The following NFATC1 variants were observed in gnomAD, a reference collection of about 807,000 sequenced individuals.
NFATC1 encodes nuclear factor of activated T-cells, cytoplasmic 1.
In NFATC1, 22 loss-of-function variants were observed where a neutral mutation model predicts 76.0. The ratio of observed to expected loss-of-function variants is 0.29; its 90% CI spans 0.21 to 0.41. The LOEUF (loss-of-function observed/expected upper bound fraction) is 0.41. Among genes scored for constraint, NFATC1 ranks in the 10% least tolerant of loss-of-function variants. NFATC1 has a pLI of 1.00. For synonymous variants in NFATC1, 704 were observed against 613.1 expected, an observed-to-expected ratio of 1.15 and a Z score of -2.19; for missense variants, 1,357 against 1,337.7, an observed-to-expected ratio of 1.01 and a Z score of -0.23.
At chr18:79,401,380 A>G (rs1003247220) in intron 1 of NFATC1, among the ~76,000 whole-genome samples, 11 of 151,966 alleles carry the variant, frequency 7.2e-5, no homozygotes, top group Admixed American at 2.6e-4. Context: ...CGTCTTGATC[A>G]TTTTTTGAAA....
intron 8 of NFATC1, chr18:79,467,842 G>C: frequency 8.5e-7 from 1 of 1,182,570 alleles, no homozygotes; most frequent in African/African-American, 1.6e-5. Context: ...TGCTTCTTGC[G>C]AATGTATAAC....
rs1180997913 is a variant in NFATC1, at chr18:79,528,549, A to G, written c.*972A>G. 2 of 152,234 alleles carry G rather than the reference A, an allele frequency of 1.3e-5. No homozygotes were observed. Among genetic ancestry groups the G allele is most frequent in the Non-Finnish European group, 2.9e-5 (2 of 68,042 alleles). 9.4% of individuals were successfully genotyped at this position (152,234 alleles called of 1,614,324 possible). On this transcript the variant is annotated 3_prime_UTR_variant, in exon 10 of 10. Transcript: ENST00000427363. ...GGACGGCCGTGCATTTTCTCGTCTC[A>G]CGCAGTTCGAGGAGGACCCTAGAAA...
At chr18:79,489,212 A>G (rs410628) in intron 9 of NFATC1, among the ~76,000 whole-genome samples, 94,929 of 152,124 alleles carry the variant, frequency 0.62, 29,701 homozygotes, top group Middle Eastern at 0.68. Flanking sequence ...TGCACAGGCT[A>G]GGGATGTTGG....
At chr18:79,439,435 C>T (rs1184066980) in intron 3 of NFATC1, among the ~76,000 whole-genome samples, 18 of 152,220 alleles carry the variant, frequency 1.2e-4, no homozygotes, top group Admixed American at 1.1e-3. Context: ...AACCACACGC[C>T]ACGGCACCGC....
intron 6 of NFATC1, among the ~76,000 whole-genome samples, chr18:79,456,204 C>T (rs994329070): frequency 6.6e-6 from 1 of 152,182 alleles, no homozygotes; most frequent in Non-Finnish European, 1.5e-5. Flanking sequence ...TGGGCTGTCA[C>T]GGAACCACCG....
intron 3 of NFATC1, among the ~76,000 whole-genome samples, chr18:79,434,314 G>A (rs1017393578): frequency 2.0e-5 from 3 of 152,200 alleles, no homozygotes; most frequent in Non-Finnish European, 4.4e-5. Flanking sequence ...TGACTCCCCC[G>A]GGCTGTGGTG....
At chr18:79,409,031 TC>T (rs1203486757) in intron 1 of NFATC1, among the ~76,000 whole-genome samples, 51 of 52,306 alleles carry the variant, frequency 9.8e-4, no homozygotes, top group East Asian at 5.4e-3. Flanking sequence ...CCATCATCCA[TC>T]CATCATCATC....
At chr18:79,494,075 A>G (rs1265330996) in intron 9 of NFATC1, among the ~76,000 whole-genome samples, 1 of 152,194 alleles carries the variant, frequency 6.6e-6, no homozygotes, top group Non-Finnish European at 1.5e-5. Context: ...CCGCGTCCAA[A>G]CCTGTGCGCC....
In NFATC1 at chr18:79,438,409, A is replaced by G. The variant is rs2086856592; in HGVS notation, c.1386+4671A>G. On this transcript the variant is annotated intron_variant, in intron 3 of 9. Coordinates refer to ENST00000427363, the MANE Select transcript of NFATC1 (RefSeq NM_001278669.2). ...GGCCTCCACCTCCATGGCACCCACCATCCCACGGGGGCACGTGGACCTCTG... is the reference window on the plus strand; with the variant it reads ...GGCCTCCACCTCCATGGCACCCACCGTCCCACGGGGGCACGTGGACCTCTG... 2.0e-5 allele frequency among the ~76,000 whole-genome samples: 3 copies of G among 152,144 alleles called. No individual in the cohort carries two copies. The South Asian group carries it at 6.2e-4, about 31-fold the overall frequency.
intron 9 of NFATC1, among the ~76,000 whole-genome samples, chr18:79,487,530 C>T (rs1026388152): frequency 3.6e-4 from 55 of 152,344 alleles, no homozygotes; most frequent in Admixed American, 2.7e-3. Flanking sequence ...CCCCTGGGCT[C>T]GCACAGCGCG....
chr18:79,491,031 G>A (rs1345338031), intron 9 of NFATC1, among the ~76,000 whole-genome samples: 1 of 152,162 alleles, frequency 6.6e-6, no homozygotes, highest in Admixed American at 6.5e-5. Flanking sequence ...GGGACAGCGG[G>A]AGAGGGAGCC....
chr18:79,461,648 C>G (rs1373205753), intron 7 of NFATC1, among the ~76,000 whole-genome samples: 2 of 152,226 alleles, frequency 1.3e-5, no homozygotes, highest in African/African-American at 4.8e-5. Flanking sequence ...CTCACACACC[C>G]TGGCGCTGAG....
chr18:79,480,670 G>C (rs922817681), intron 8 of NFATC1, among the ~76,000 whole-genome samples: 1 of 152,188 alleles, frequency 6.6e-6, no homozygotes, highest in African/African-American at 2.4e-5. Context: ...GCCAGCAGCA[G>C]CAGACGCCAC....
At chr18:79,508,311 C>A (rs544259140) in intron 9 of NFATC1, among the ~76,000 whole-genome samples, 44 of 152,158 alleles carry the variant, frequency 2.9e-4, no homozygotes, top group African/African-American at 1.0e-3. Flanking sequence ...CAGAGGGTGC[C>A]GGGCAGGAGG....
At chr18:79,447,166 C>T (rs1028872991) in intron 3 of NFATC1, among the ~76,000 whole-genome samples, 18 of 152,244 alleles carry the variant, frequency 1.2e-4, no homozygotes, top group South Asian at 1.0e-3. Flanking sequence ...GACCACACGG[C>T]GGCTGAGGCT....
chr18:79,431,134 C>A (rs2086574652), intron 2 of NFATC1, among the ~76,000 whole-genome samples: 1 of 152,224 alleles, frequency 6.6e-6, no homozygotes, highest in Non-Finnish European at 1.5e-5. Context: ...CAAAACCCCA[C>A]AGAGCGGAGG....
chr18:79,399,785 G>A (rs958670019), intron 1 of NFATC1, among the ~76,000 whole-genome samples: 1 of 152,052 alleles, frequency 6.6e-6, no homozygotes, highest in Non-Finnish European at 1.5e-5. Flanking sequence ...GCCGAGGGGC[G>A]CGCCACGAAC....
intron 2 of NFATC1, among the ~76,000 whole-genome samples, chr18:79,415,625 G>A (rs1021546580): frequency 6.6e-6 from 1 of 152,044 alleles, no homozygotes; most frequent in South Asian, 2.1e-4. Context: ...TCTTAGAACT[G>A]AATGTTTAAA....
rs560729014 is a variant in NFATC1, at chr18:79,482,161, G to A, written c.2093-4087G>A. ...CTCGTTCCTGGGGTGTAATTCCAGC[G>A]TGACCTGGTCCTGGGGTGTAATTCC... On this transcript the variant is annotated intron_variant, in intron 8 of 9. Coordinates refer to ENST00000427363, the MANE Select transcript of NFATC1 (RefSeq NM_001278669.2). Among the ~76,000 whole-genome samples, 21 of 143,258 alleles carry A rather than the reference G, an allele frequency of 1.5e-4. No homozygotes were observed. In the East Asian group the frequency reaches 3.0e-3, roughly 20 times the overall value. The allele number at this position is 143,258 out of a possible 152,430, so 94.0% of individuals were successfully genotyped here. A position where few individuals can be genotyped will look rare whatever the true frequency, so the allele number is the denominator to read the frequency against.
Sources: allele counts gnomAD v4.1 joint callset (sites outside exome capture counted in the v4.1 genomes callset), GRCh38; gene constraint gnomAD v4.1.1; transcripts MANE v1.5; gene names NCBI Gene and HGNC (gene_info 2026-07-23, HGNC 2026-07-21).